TAFA4: variants seen among roughly 807,000 people sequenced by gnomAD.
TAFA4 encodes the protein chemokine-like protein TAFA-4.
In TAFA4, 20 loss-of-function variants were observed where a neutral mutation model predicts 21.1. The observed-to-expected ratio is 0.95, with a 90% CI of 0.67 to 1.38. The LOEUF is 1.38. TAFA4 is among the 40% of genes most tolerant of loss of function. TAFA4 has a pLI of 0.00. For synonymous variants in TAFA4, 71 were observed against 67.4 expected (o/e 1.05, Z -0.26); for missense variants, 211 against 180.9 (o/e 1.17, Z -0.95).
At position 68,879,004 on chromosome 3, in the gene TAFA4, G is replaced by A. The variant is rs139987424; in HGVS notation, c.130+1726C>T. On this transcript the variant is annotated intron_variant, in intron 3 of 5. Coordinates refer to ENST00000295569, the MANE Select transcript of TAFA4 (RefSeq NM_182522.5). ...TAGCCAGGTAGGTGGAGATAGGGTT[G>A]TAAAATACCTCCTTGTTTACACACA... 6.9e-3 allele frequency among the ~76,000 whole-genome samples: 1,052 copies of A among 152,232 alleles called. 4 individuals carry two copies. The highest frequency in any genetic ancestry group is 0.011 in the Non-Finnish European group (758 of 68,010).
chr3:68,931,163 C>T (rs1217338333), intron 1 of TAFA4, among the ~76,000 whole-genome samples: 2 of 152,178 alleles, frequency 1.3e-5, no homozygotes. Context: ...CGCCCATCCC[C>T]ACACACGGGG....
intron 3 of TAFA4, among the ~76,000 whole-genome samples, chr3:68,785,518 G>A (rs1486792172): frequency 1.3e-5 from 2 of 152,230 alleles, no homozygotes; most frequent in Non-Finnish European, 1.5e-5. Context: ...GCTGGCCCAG[G>A]TGCTAAGCCC....
intron 3 of TAFA4, among the ~76,000 whole-genome samples, chr3:68,777,530 G>A (rs941727868): frequency 6.6e-6 from 1 of 152,074 alleles, no homozygotes; most frequent in Non-Finnish European, 1.5e-5. Context: ...GATAGTGCCT[G>A]CCTTATTGGA....
intron 3 of TAFA4, among the ~76,000 whole-genome samples, chr3:68,880,094 T>C (rs1360565264): frequency 6.7e-6 from 1 of 150,224 alleles, no homozygotes; most frequent in Non-Finnish European, 1.5e-5. Flanking sequence ...CACAAACTGA[T>C]CGGTAGCTGA....
chr3:68,844,256 G>C (rs1306828539), intron 3 of TAFA4, among the ~76,000 whole-genome samples: 4 of 152,102 alleles, frequency 2.6e-5, no homozygotes, highest in Admixed American at 2.6e-4. Context: ...GAGGGTGTAT[G>C]TGTCCAGGAA....
intron 2 of TAFA4, chr3:68,882,867 G>C (rs778691461): frequency 6.6e-6 from 1 of 152,196 alleles, no homozygotes; most frequent in Non-Finnish European, 1.5e-5. Context: ...TTTGAGAAAC[G>C]AAAGGCCCTT....
In TAFA4 at chr3:68,752,906, TC is replaced by T; in HGVS notation, c.242del (p.Gly81AspfsTer19). ...GAGCCCGAGTTGTGCCCGCCACCTGTCCCGGGAAGCAAGAGCACTTGACCGT... is the reference window on the plus strand; with the variant it reads ...GAGCCCGAGTTGTGCCCGCCACCTGTCCGGGAAGCAAGAGCACTTGACCGT... ...SQTVKCSCFPGQVAGTTRAQP... is the reference protein window; with the variant it reads ...SQTVKCSCFPXQVAGTTRAQP... On this transcript the variant is annotated frameshift_variant, in exon 4 of 6. Transcript: ENST00000295569. LOFTEE classifies it high-confidence loss of function. 6.2e-7 allele frequency: 1 copy of T among 1,614,084 alleles called. No homozygotes were observed. Among genetic ancestry groups the T allele is most frequent in the Non-Finnish European group, 8.5e-7 (1 of 1,180,022 alleles).
intron 3 of TAFA4, among the ~76,000 whole-genome samples, chr3:68,833,145 A>T (rs1704440441): frequency 6.6e-6 from 1 of 152,166 alleles, no homozygotes; most frequent in Non-Finnish European, 1.5e-5. Context: ...GAAATCCCCC[A>T]ACCCTTTGCA....
intron 3 of TAFA4, among the ~76,000 whole-genome samples, chr3:68,782,416 G>A (rs767427750): frequency 7.2e-5 from 11 of 152,090 alleles, no homozygotes; most frequent in Non-Finnish European, 1.5e-4. Context: ...CAAAACAGAT[G>A]TTCAAACAAA....
At chr3:68,811,329 C>T (rs1285884239) in intron 3 of TAFA4, among the ~76,000 whole-genome samples, 2 of 152,196 alleles carry the variant, frequency 1.3e-5, no homozygotes, top group African/African-American at 2.4e-5. Context: ...CAGAGAATGA[C>T]TTCGACAAGC....
At chr3:68,821,896 G>A (rs547617006) in intron 3 of TAFA4, among the ~76,000 whole-genome samples, 84 of 152,262 alleles carry the variant, frequency 5.5e-4, no homozygotes, top group African/African-American at 1.7e-3. Flanking sequence ...AGACTGTGCT[G>A]CCAAATCCAT....
intron 5 of TAFA4, 115 bp downstream of exon 5, chr3:68,738,960 C>A: frequency 6.9e-7 from 1 of 1,453,686 alleles, no homozygotes; most frequent in Non-Finnish European, 9.2e-7. Context: ...GTAGCACTGC[C>A]CAAGCAGGTT....
intron 3 of TAFA4, among the ~76,000 whole-genome samples, chr3:68,818,189 C>T (rs1005985234): frequency 2.0e-5 from 3 of 152,172 alleles, no homozygotes; most frequent in Non-Finnish European, 2.9e-5. Flanking sequence ...ATGGAAATGG[C>T]TTCTTTCTTT....
intron 4 of TAFA4, among the ~76,000 whole-genome samples, chr3:68,740,798 C>T (rs1350895279): frequency 6.6e-6 from 1 of 152,168 alleles, no homozygotes; most frequent in Non-Finnish European, 1.5e-5. Flanking sequence ...ATTACATTTA[C>T]ATCCTTTTCA....
At chr3:68,896,717 A>G (rs970586663) in intron 1 of TAFA4, among the ~76,000 whole-genome samples, 2 of 152,232 alleles carry the variant, frequency 1.3e-5, no homozygotes, top group Non-Finnish European at 2.9e-5. Context: ...TCTGGAGAGT[A>G]GGGTACCTGT....
chr3:68,815,059 G>A (rs1183594906), intron 3 of TAFA4, among the ~76,000 whole-genome samples: 1 of 152,170 alleles, frequency 6.6e-6, no homozygotes, highest in African/African-American at 2.4e-5. Context: ...AACAAGAAAT[G>A]GGGAAAGGAT....
At chr3:68,868,055 T>C (rs1195884409) in intron 3 of TAFA4, among the ~76,000 whole-genome samples, 1 of 152,018 alleles carries the variant, frequency 6.6e-6, no homozygotes, top group Non-Finnish European at 1.5e-5. Flanking sequence ...ATAGAGTGGC[T>C]GAGTAGATTT....
At chr3:68,828,956 G>T (rs1305874300) in intron 3 of TAFA4, among the ~76,000 whole-genome samples, 1 of 152,028 alleles carries the variant, frequency 6.6e-6, no homozygotes, top group Admixed American at 6.6e-5. Flanking sequence ...GTCCTGTGCT[G>T]GTTTTCAAAG....
chr3:68,813,640 T>A (rs61524010), intron 3 of TAFA4, among the ~76,000 whole-genome samples: 3 of 151,860 alleles, frequency 2.0e-5, no homozygotes, highest in Non-Finnish European at 4.4e-5. Context: ...TCTGAATAGA[T>A]CAACAAAAGG....
Sources: gnomAD v4.1 joint callset for allele counts (sites outside exome capture counted in the v4.1 genomes callset) on GRCh38, gnomAD v4.1.1 for gene constraint, MANE v1.5 for transcripts, NCBI Gene and HGNC (gene_info 2026-07-23, HGNC 2026-07-21) for gene names.